The following NCAPG2 variants were observed in gnomAD, a reference collection of about 807,000 sequenced individuals.
The protein encoded by NCAPG2 is condensin-2 complex subunit G2.
A neutral mutation model predicts 141.1 loss-of-function variants in NCAPG2; 53 were observed. That is an observed-to-expected ratio of 0.38 (90% CI 0.30 to 0.47). The LOEUF (loss-of-function observed/expected upper bound fraction) is 0.47. Among genes scored for constraint, NCAPG2 ranks in the 20% least tolerant of loss-of-function variants. The probability of loss-of-function intolerance (pLI) is 0.99; values close to 1 mark genes in which losing one functional copy is unlikely to be tolerated. For synonymous variants in NCAPG2, 499 were observed against 490.7 expected (o/e 1.02, Z -0.22); for missense variants, 1,087 against 1,389.0 (o/e 0.78, Z 3.46).
intron 6 of NCAPG2, among the ~76,000 whole-genome samples, chr7:158,688,191 G>C (rs371558772): frequency 8.1e-4 from 98 of 121,136 alleles, no homozygotes; most frequent in African/African-American, 2.7e-3. Context: ...AAAAAAAACA[G>C]TAATATTCAC....
At chr7:158,635,311 C>T (rs993379610) in intron 27 of NCAPG2, among the ~76,000 whole-genome samples, 1 of 152,080 alleles carries the variant, frequency 6.6e-6, no homozygotes, top group Non-Finnish European at 1.5e-5. Flanking sequence ...AATTGATATT[C>T]ATTTATCAAT....
At position 158,680,831 on chromosome 7, in the gene NCAPG2, A is replaced by T; in HGVS notation, c.925-15T>A. The T allele has an allele frequency of 6.6e-7, 1 of 1,521,266 alleles. No individual in the cohort carries two copies. Among genetic ancestry groups the T allele is most frequent in the African/African-American group, 1.4e-5 (1 of 71,662 alleles). The allele number at this position is 1,521,266 out of a possible 1,614,324, so 94.2% of individuals were successfully genotyped here. ...TAACTCAGAACCTAAGGACCAAAAA[A>T]AGGAAAAGGAAGGCATTAACAAAAA... On this transcript the variant is annotated splice_polypyrimidine_tract_variant and intron_variant, in intron 9 of 27. Transcript: ENST00000356309.
intron 27 of NCAPG2, chr7:158,641,257 C>T (rs1047499150): frequency 2.4e-5 from 9 of 372,402 alleles, no homozygotes; most frequent in Non-Finnish European, 3.8e-5. Flanking sequence ...AAATAGAAGA[C>T]AATAACAAAT....
At position 158,655,417 on chromosome 7, in the gene NCAPG2, C is replaced by T. The variant is rs1356180654; in HGVS notation, c.2427G>A (p.Lys809=). The T allele has an allele frequency of 1.9e-6, 3 of 1,614,128 alleles. No homozygotes were observed. Among genetic ancestry groups the T allele is most frequent in the Non-Finnish European group, 2.5e-6 (3 of 1,180,034 alleles). The change falls in exon 20 of 28, where the codon AAG becomes AAA. Residue 809 remains lysine, a synonymous_variant. Transcript: ENST00000356309. ...LESLLQTPGG[K]PRGFSEAAAP... ...CAGCTGCTTCACTGAAGCCACGAGG[C>T]TTCCCACCCGGTGTCTGCAGAAGTG...
chr7:158,636,892 A>G (rs1830237323), intron 27 of NCAPG2, among the ~76,000 whole-genome samples: 2 of 152,008 alleles, frequency 1.3e-5, no homozygotes, highest in Non-Finnish European at 2.9e-5. Context: ...CCCAAATCAG[A>G]CCACTGCCCT....
chr7:158,658,218 G>A (rs1832169764), intron 17 of NCAPG2, 120 bp downstream of exon 17: 1 of 804,044 alleles, frequency 1.2e-6, no homozygotes, highest in Non-Finnish European at 1.8e-6. Context: ...AAGGGCAGAA[G>A]GAAGAGGCCA....
At chr7:158,672,310 ATATATATATATATATATATTTTTTTT>A (rs1833764855) in intron 12 of NCAPG2, among the ~76,000 whole-genome samples, 5 of 41,510 alleles carry the variant, frequency 1.2e-4, no homozygotes, top group African/African-American at 4.1e-4. Context: ...ATATATATAT[ATATATATATATATATATATTTTTTTT>A]TTTTTTTTTT....
At chr7:158,679,722 T>C (rs1368623065) in intron 11 of NCAPG2, among the ~76,000 whole-genome samples, 2 of 152,104 alleles carry the variant, frequency 1.3e-5, no homozygotes, top group Non-Finnish European at 2.9e-5. Flanking sequence ...AAACCACACA[T>C]AGTAATAAAT....
At chr7:158,632,730 T>A (rs911515536) in intron 27 of NCAPG2, among the ~76,000 whole-genome samples, 4 of 152,202 alleles carry the variant, frequency 2.6e-5, no homozygotes, top group African/African-American at 7.2e-5. Flanking sequence ...AGTAATCACA[T>A]TGAAACAGGT....
intron 10 of NCAPG2, 87 bp from the exon 11 acceptor site, chr7:158,680,172 A>C: frequency 7.5e-7 from 1 of 1,334,304 alleles, no homozygotes; most frequent in Non-Finnish European, 1.0e-6. Context: ...TAACACTTTA[A>C]TTATCTTGAT....
chr7:158,632,487 G>T (rs1829956569), intron 27 of NCAPG2, among the ~76,000 whole-genome samples: 1 of 152,206 alleles, frequency 6.6e-6, no homozygotes, highest in Admixed American at 6.5e-5. Flanking sequence ...AGTCTCCTCA[G>T]AGAAGCAATA....
At chr7:158,660,401 CTTTTTTTTTTT>C (rs945928092) in intron 16 of NCAPG2, among the ~76,000 whole-genome samples, 13 of 72,818 alleles carry the variant, frequency 1.8e-4, no homozygotes, top group African/African-American at 6.1e-4. Flanking sequence ...TTTCAGCTTT[CTTTTTTTTTTT>C]TTTTTTTTTT....
intron 22 of NCAPG2, 51 bp downstream of exon 22, chr7:158,654,544 G>T (rs1383828223): frequency 6.5e-7 from 1 of 1,545,042 alleles, no homozygotes; most frequent in South Asian, 1.2e-5. Flanking sequence ...GAGGGAGGGA[G>T]GGAAGGACTG....
At chr7:158,647,026 A>G (rs1205585196) in intron 24 of NCAPG2, among the ~76,000 whole-genome samples, 2 of 151,710 alleles carry the variant, frequency 1.3e-5, no homozygotes, top group Non-Finnish European at 2.9e-5. Flanking sequence ...TCCTGTCTCA[A>G]TATGACAAAA....
intron 13 of NCAPG2, among the ~76,000 whole-genome samples, chr7:158,670,510 C>A (rs1833618067): frequency 6.6e-6 from 1 of 152,174 alleles, no homozygotes. Context: ...CAAGATCACA[C>A]CCCAGCACTC....
Position 158,658,397 on chromosome 7 carries a change from G to A in NCAPG2, c.2001C>T (p.Cys667=). 4 of 1,611,074 alleles carry A rather than the reference G, an allele frequency of 2.5e-6. No individual in the cohort carries two copies. The highest frequency in any genetic ancestry group is 3.4e-6 in the Non-Finnish European group (4 of 1,178,374). The part of the protein sequence containing the change: ...EYLKVFKDDR[C]KIPLFMLMSF... ...ACATTAGCATGAATAAAGGGATCTTGCAGCGATCATCCTAAAAGCGAAAAA... is the reference window on the plus strand; with the variant it reads ...ACATTAGCATGAATAAAGGGATCTTACAGCGATCATCCTAAAAGCGAAAAA... Residue 667 remains cysteine (C), a synonymous_variant, in exon 17 of 28, where the codon TGC becomes TGT. Transcript: ENST00000356309.
chr7:158,678,018 C>T (rs1834204519), intron 11 of NCAPG2, among the ~76,000 whole-genome samples: 1 of 151,690 alleles, frequency 6.6e-6, no homozygotes, highest in Non-Finnish European at 1.5e-5. Context: ...CGCCATGTTG[C>T]CCAGGATTGC....
chr7:158,638,822 T>C (rs903247684), intron 27 of NCAPG2, among the ~76,000 whole-genome samples: 6 of 152,104 alleles, frequency 3.9e-5, no homozygotes, highest in African/African-American at 1.4e-4. Flanking sequence ...ACTGATCAGG[T>C]GGCACTCCAC....
chr7:158,638,244 T>C (rs904011142), intron 27 of NCAPG2, among the ~76,000 whole-genome samples: 4 of 152,190 alleles, frequency 2.6e-5, no homozygotes, highest in Admixed American at 2.0e-4. Context: ...CAGAAAAACA[T>C]TGTTTTTTGT....
Sources: allele counts gnomAD v4.1 joint callset (sites outside exome capture counted in the v4.1 genomes callset), GRCh38; gene constraint gnomAD v4.1.1; transcripts MANE v1.5; gene names NCBI Gene and HGNC (gene_info 2026-07-23, HGNC 2026-07-21).